MBP: variants seen among roughly 807,000 people sequenced by gnomAD.
The protein encoded by MBP is Golli-MBP.
In MBP, 16 loss-of-function variants were observed where a neutral mutation model predicts 35.8. The observed-to-expected ratio is 0.45, with a 90% CI of 0.30 to 0.68. The LOEUF (loss-of-function observed/expected upper bound fraction) is 0.68, where lower values mean the gene tolerates loss of function less well. MBP is among the 30% of genes least tolerant of loss of function. The pLI is 0.08. For synonymous variants in MBP, 143 were observed against 159.6 expected (o/e 0.90, Z 0.78); for missense variants, 380 against 404.7 (o/e 0.94, Z 0.52).
chr18:77,016,279 C>T (rs1456076513), intron 4 of MBP: 14 of 985,378 alleles, frequency 1.4e-5, no homozygotes, highest in Non-Finnish European at 1.7e-5. Context: ...CTCATTTATC[C>T]CTCCCCCCTT....
intron 3 of MBP, among the ~76,000 whole-genome samples, chr18:77,045,458 C>T (rs1256752127): frequency 2.0e-5 from 3 of 152,016 alleles, no homozygotes; most frequent in South Asian, 2.1e-4. Context: ...TGAACTGACC[C>T]GCTGCAGCGG....
At chr18:77,106,729 A>G (rs528599042) in intron 1 of MBP, among the ~76,000 whole-genome samples, 1 of 152,166 alleles carries the variant, frequency 6.6e-6, no homozygotes, top group Non-Finnish European at 1.5e-5. Flanking sequence ...TGCCTTCCCC[A>G]TGCTTCATGG....
intron 3 of MBP, among the ~76,000 whole-genome samples, chr18:77,031,768 C>T (rs1283294968): frequency 1.3e-5 from 2 of 152,242 alleles, no homozygotes; most frequent in Non-Finnish European, 2.9e-5. Flanking sequence ...CTAATGGGCT[C>T]CTGGTCCGTG....
At chr18:76,986,142 C>G (rs2123094899) in intron 7 of MBP, 2 of 985,582 alleles carry the variant, frequency 2.0e-6, no homozygotes, top group East Asian at 1.1e-4. Context: ...GAAGGCTGAC[C>G]ACGCTGTTAG....
rs574714612 is a variant in MBP, at chr18:76,989,797, G to A, written c.681+159C>T. Reference sequence around the variant, plus strand: ...GTCGGGAAGCGCTTGCCTGGAACTCGCGATCAGGTGCGAGGGGGGAGTTCC... The same window carrying A: ...GTCGGGAAGCGCTTGCCTGGAACTCACGATCAGGTGCGAGGGGGGAGTTCC... On this transcript the variant is annotated intron_variant, in intron 5 of 8. Transcript: ENST00000355994. This position sits in a 1 kb window ranked among gnomAD's most constrained non-coding sequence, Gnocchi z 4.0. 4 of 629,276 alleles carry A rather than the reference G, an allele frequency of 6.4e-6. No homozygotes were observed. The highest frequency in any genetic ancestry group is 5.5e-5 in the South Asian group (3 of 54,232). 39.0% of individuals were successfully genotyped at this position (629,276 alleles called of 1,614,324 possible). A position where few individuals can be genotyped will look rare whatever the true frequency, so the allele number is the denominator to read the frequency against.
intron 4 of MBP, among the ~76,000 whole-genome samples, chr18:76,997,401 G>A (rs3794849): frequency 0.082 from 12,512 of 152,262 alleles, 671 homozygotes; most frequent in East Asian, 0.27. Flanking sequence ...GGTTCCTCGC[G>A]GGTGAAATGA....
intron 4 of MBP, chr18:77,014,664 G>A (rs2123446593): frequency 4.1e-6 from 4 of 985,460 alleles, no homozygotes; most frequent in Admixed American, 6.1e-5. Context: ...GTAGCTGGGT[G>A]TAGAGAGAGT....
In MBP at chr18:76,988,052, C is replaced by T; in HGVS notation, c.750+443G>A. ...ACTCTATTTAGCCTCTTTTTCTGTT[C>T]ATCAGCAGAATCATTTTCCCAGTGT... On this transcript the variant is annotated intron_variant, in intron 7 of 8. Coordinates refer to ENST00000355994, the MANE Select transcript of MBP (RefSeq NM_001025101.2). This position sits in a 1 kb window ranked among gnomAD's most constrained non-coding sequence, Gnocchi z 5.2. 1 of 1,425,500 alleles carries T rather than the reference C, an allele frequency of 7.0e-7. No individual in the cohort carries two copies. The highest frequency in any genetic ancestry group is 1.5e-5 in the South Asian group (1 of 68,540). The allele number at this position is 1,425,500 out of a possible 1,614,324, so 88.3% of individuals were successfully genotyped here. A position where few individuals can be genotyped will look rare whatever the true frequency, so the allele number is the denominator to read the frequency against.
intron 3 of MBP, among the ~76,000 whole-genome samples, chr18:77,061,380 C>G (rs1973970606): frequency 6.6e-6 from 1 of 152,228 alleles, no homozygotes; most frequent in South Asian, 2.1e-4. Flanking sequence ...TCTGAAAATA[C>G]TAGCCAATGT....
intron 1 of MBP, among the ~76,000 whole-genome samples, chr18:77,112,371 T>C (rs774984893): frequency 3.9e-5 from 6 of 152,202 alleles, no homozygotes; most frequent in Non-Finnish European, 7.3e-5. Context: ...CATGTCCTGA[T>C]TGCGTGTTCA....
At chr18:77,106,511 G>A (rs375099580) in intron 1 of MBP, among the ~76,000 whole-genome samples, 2 of 152,108 alleles carry the variant, frequency 1.3e-5, no homozygotes, top group African/African-American at 4.8e-5. Context: ...ACTAGCAGCC[G>A]ACCACAGACT....
chr18:77,071,075 A>G (rs752023132), intron 2 of MBP, among the ~76,000 whole-genome samples: 1 of 152,202 alleles, frequency 6.6e-6, no homozygotes, highest in African/African-American at 2.4e-5. Flanking sequence ...GGAGGTGGCA[A>G]TTTCAGGAGG....
chr18:77,082,585 A>G (rs895938771), intron 2 of MBP, among the ~76,000 whole-genome samples: 2 of 152,256 alleles, frequency 1.3e-5, no homozygotes, highest in African/African-American at 4.8e-5. Flanking sequence ...ATGGACATGT[A>G]CACACCAGTG....
Position 77,082,664 on chromosome 18 carries a change from C to T in MBP, c.52-16279G>A, listed in dbSNP as rs557393905. ...CGGCTCAGGGAAGAACCATGAAGGA[C>T]GAAGAATCCTTCCTCCCTGCAGCAG... On this transcript the variant is annotated intron_variant, in intron 2 of 8. Transcript: ENST00000355994. 1.4e-4 allele frequency among the ~76,000 whole-genome samples: 19 copies of T among 135,426 alleles called. No individual in the cohort carries two copies. In the South Asian group the frequency reaches 4.3e-3, roughly 31 times the overall value. The allele number at this position is 135,426 out of a possible 152,430, so 88.8% of individuals were successfully genotyped here.
intron 3 of MBP, among the ~76,000 whole-genome samples, chr18:77,024,724 G>C (rs898360787): frequency 2.6e-5 from 4 of 152,244 alleles, no homozygotes; most frequent in African/African-American, 7.2e-5. Context: ...CGGAGGTCTG[G>C]GCAGAACCAC....
chr18:77,016,493 A>G, intron 4 of MBP: 3 of 1,149,974 alleles, frequency 2.6e-6, no homozygotes, highest in Non-Finnish European at 3.2e-6. Flanking sequence ...CAAGTCCGCA[A>G]GCACACACCA....
intron 2 of MBP, chr18:77,087,599 G>A (rs1264053129): frequency 6.6e-6 from 1 of 152,356 alleles, no homozygotes; most frequent in African/African-American, 2.4e-5. Context: ...CAGTCGCGCA[G>A]CGCTGTAGGG....
At chr18:77,007,971 T>C (rs1032442085) in intron 4 of MBP, among the ~76,000 whole-genome samples, 1 of 152,206 alleles carries the variant, frequency 6.6e-6, no homozygotes, top group African/African-American at 2.4e-5. Context: ...AGTTTCTTAC[T>C]ATGATCTGGA....
intron 2 of MBP, among the ~76,000 whole-genome samples, chr18:77,088,668 G>A (rs373283605): frequency 9.5e-4 from 128 of 134,320 alleles, no homozygotes; most frequent in Middle Eastern, 4.1e-3. Flanking sequence ...AAAACAAACT[G>A]GTTTTTATAA....
Sources: allele counts gnomAD v4.1 joint callset (sites outside exome capture counted in the v4.1 genomes callset), GRCh38; gene constraint gnomAD v4.1.1; non-coding constraint Gnocchi (gnomAD v3.1); transcripts MANE v1.5; gene names NCBI Gene and HGNC (gene_info 2026-07-23, HGNC 2026-07-21).